The following MAP4K4 variants were observed in gnomAD, a reference collection of about 807,000 sequenced individuals.
MAP4K4 encodes HPK/GCK-like kinase HGK.
A neutral mutation model predicts 189.6 loss-of-function variants in MAP4K4; 38 were observed. That is an observed-to-expected ratio of 0.20 (90% confidence interval 0.15 to 0.26). The LOEUF (loss-of-function observed/expected upper bound fraction) is 0.26. MAP4K4 is among the 10% of genes least tolerant of loss of function. The probability of loss-of-function intolerance (pLI) is 1.00; values close to 1 mark genes in which losing one functional copy is unlikely to be tolerated. For missense variants in MAP4K4, 1,054 were observed against 1,726.9 expected (o/e 0.61, Z 6.91); for synonymous variants, 610 against 624.3 (o/e 0.98, Z 0.34).
At chr2:101,699,388 G>A (rs2036818406) in intron 2 of MAP4K4, among the ~76,000 whole-genome samples, 1 of 152,238 alleles carries the variant, frequency 6.6e-6, no homozygotes, top group Non-Finnish European at 1.5e-5. Context: ...TAGAGATTAT[G>A]AAAGATGTGT....
intron 2 of MAP4K4, among the ~76,000 whole-genome samples, chr2:101,784,049 G>A (rs2089265530): frequency 6.6e-6 from 1 of 152,184 alleles, no homozygotes; most frequent in Non-Finnish European, 1.5e-5. Context: ...AGAGATCCAT[G>A]TTCTGTCCTT....
chr2:101,836,939 T>C (rs2096773891), intron 9 of MAP4K4, among the ~76,000 whole-genome samples: 1 of 151,946 alleles, frequency 6.6e-6, no homozygotes, highest in African/African-American at 2.4e-5. Context: ...TGTTTCTGGT[T>C]CTCCTGAGAA....
chr2:101,705,417 A>G (rs896517052), intron 2 of MAP4K4, among the ~76,000 whole-genome samples: 58 of 88,388 alleles, frequency 6.6e-4, no homozygotes, highest in African/African-American at 1.7e-3. Flanking sequence ...TTCAGACACA[A>G]TGAATGCACT....
At chr2:101,742,047 G>A (rs1474602176) in intron 2 of MAP4K4, among the ~76,000 whole-genome samples, 1 of 152,158 alleles carries the variant, frequency 6.6e-6, no homozygotes, top group Admixed American at 6.5e-5. Flanking sequence ...TGGTTGTGAA[G>A]AAGCTGTTGT....
chr2:101,883,018 T>A (rs1423638244), intron 28 of MAP4K4, among the ~76,000 whole-genome samples: 1 of 152,234 alleles, frequency 6.6e-6, no homozygotes, highest in Non-Finnish European at 1.5e-5. Context: ...CTGTAAGATG[T>A]GGTTCACAGT....
chr2:101,891,986 C>CT (rs1377805365), exon 33 of MAP4K4: 2 of 28,748 alleles, frequency 7.0e-5, no homozygotes, highest in Non-Finnish European at 1.2e-4. Flanking sequence ...GCAGATGGTT[C>CT]TAAAAAAAAA....
intron 2 of MAP4K4, among the ~76,000 whole-genome samples, chr2:101,747,771 C>A (rs568113539): frequency 1.7e-3 from 256 of 152,244 alleles, no homozygotes; most frequent in Non-Finnish European, 3.0e-3. Flanking sequence ...AAAACAGATC[C>A]CAAATATCAT....
At chr2:101,789,818 A>G (rs1016938177) in intron 2 of MAP4K4, among the ~76,000 whole-genome samples, 4 of 152,164 alleles carry the variant, frequency 2.6e-5, no homozygotes, top group Non-Finnish European at 5.9e-5. Flanking sequence ...GGTAGAGAGT[A>G]ACAAGACTGA....
intron 2 of MAP4K4, among the ~76,000 whole-genome samples, chr2:101,784,389 C>T (rs943254851): frequency 6.6e-5 from 10 of 152,002 alleles, no homozygotes; most frequent in African/African-American, 2.4e-4. Context: ...GGGGCATGTC[C>T]TGAGCACTGG....
intron 2 of MAP4K4, among the ~76,000 whole-genome samples, chr2:101,715,617 G>A (rs2047956240): frequency 6.6e-6 from 1 of 152,148 alleles, no homozygotes; most frequent in African/African-American, 2.4e-5. Flanking sequence ...ATGCTCCAGT[G>A]AACATTTAGT....
At chr2:101,788,242 C>T (rs1193942566) in intron 2 of MAP4K4, among the ~76,000 whole-genome samples, 1 of 152,110 alleles carries the variant, frequency 6.6e-6, no homozygotes, top group Non-Finnish European at 1.5e-5. Context: ...GAGAAAGGAG[C>T]AAGGAAATCA....
chr2:101,848,460 AAAGT>A (rs1244324858), intron 12 of MAP4K4, among the ~76,000 whole-genome samples: 4 of 152,236 alleles, frequency 2.6e-5, no homozygotes, highest in African/African-American at 7.2e-5. Context: ...TTTTATGAAT[AAAGT>A]AAGTAAAGAT....
chr2:101,751,245 AAC>A (rs1412064215), intron 2 of MAP4K4, among the ~76,000 whole-genome samples: 1 of 152,236 alleles, frequency 6.6e-6, no homozygotes, highest in African/African-American at 2.4e-5. Context: ...GAAAGGAGAA[AAC>A]ACACTGAAGA....
intron 2 of MAP4K4, among the ~76,000 whole-genome samples, chr2:101,711,826 T>C (rs2045710091): frequency 6.6e-6 from 1 of 150,940 alleles, no homozygotes; most frequent in Non-Finnish European, 1.5e-5. Context: ...TAGCTGAAAA[T>C]ATATTCTTAT....
At chr2:101,709,685 C>T (rs1368926493) in intron 2 of MAP4K4, among the ~76,000 whole-genome samples, 1 of 151,956 alleles carries the variant, frequency 6.6e-6, no homozygotes, top group East Asian at 1.9e-4. Context: ...CTGCAGTTTT[C>T]CTTTATCTCA....
chr2:101,729,791 G>T (rs1193782890), intron 2 of MAP4K4, among the ~76,000 whole-genome samples: 4 of 152,180 alleles, frequency 2.6e-5, no homozygotes, highest in Non-Finnish European at 5.9e-5. Context: ...CAAGCCAAAG[G>T]TCCTTCTCTG....
chr2:101,874,152 C>G (rs775471267), exon 26 of MAP4K4: 1 of 1,613,888 alleles, frequency 6.2e-7, no homozygotes, highest in Non-Finnish European at 8.5e-7. Context: ...GCTCAGTGGT[C>G]AATGTGAATC....
chr2:101,740,096 G>C (rs573039936), intron 2 of MAP4K4, among the ~76,000 whole-genome samples: 2 of 151,468 alleles, frequency 1.3e-5, no homozygotes, highest in East Asian at 1.9e-4. Context: ...AAGTACTACT[G>C]AACCTTCAAC....
In MAP4K4 at chr2:101,809,597, C is replaced by G. The variant is rs117357885; in HGVS notation, c.181-14331C>G. Among the ~76,000 whole-genome samples the G allele has an allele frequency of 2.5e-4, 38 of 152,310 alleles. 1 individual carries two copies. In the East Asian group the frequency reaches 6.9e-3, roughly 28 times the overall value. ...GAAAAGGCCTGATGACTTTTTAAAA[C>G]TTAAGTACTATTTGAAACCTCTCAA... On this transcript the variant is annotated intron_variant, in intron 3 of 32. Coordinates refer to ENST00000324219, the Ensembl canonical transcript of MAP4K4.
Sources: gnomAD v4.1 joint callset for allele counts (sites outside exome capture counted in the v4.1 genomes callset) on GRCh38, gnomAD v4.1.1 for gene constraint, MANE v1.5 for transcripts, NCBI Gene and HGNC (gene_info 2026-07-23, HGNC 2026-07-21) for gene names.